STK38L: variants seen among roughly 807,000 people sequenced by gnomAD.
The protein encoded by STK38L is serine/threonine-protein kinase 38-like.
STK38L carries 28 observed loss-of-function variants against 59.7 expected under a neutral mutation model. That is an observed-to-expected ratio of 0.47 (90% CI 0.35 to 0.64). The LOEUF is 0.64. Among genes scored for constraint, STK38L ranks in the 30% least tolerant of loss-of-function variants. STK38L has a pLI of 0.01. For synonymous variants in STK38L, 162 were observed against 176.8 expected (o/e 0.92, Z 0.66); for missense variants, 314 against 555.8 (o/e 0.56, Z 4.37).
rs576404514 is a variant in STK38L, at chr12:27,313,609, C to T, written c.518-895C>T. Among the ~76,000 whole-genome samples, 259 of 152,130 alleles carry T rather than the reference C, an allele frequency of 1.7e-3. 1 individual carries two copies. Among genetic ancestry groups the T allele is most frequent in the African/African-American group, 5.3e-3 (220 of 41,480 alleles). On this transcript the variant is annotated intron_variant, in intron 6 of 13. Coordinates refer to ENST00000389032, the MANE Select transcript of STK38L (RefSeq NM_015000.4). The stretch of plus-strand genomic sequence containing the variant: ...TGTTGGTCAGGCTGGTCTCAAACTC[C>T]TGACCTCAAGTGATCCACCCACCTC...
chr12:27,269,112 T>G (rs1943364356), intron 1 of STK38L, among the ~76,000 whole-genome samples: 2 of 152,220 alleles, frequency 1.3e-5, no homozygotes, highest in African/African-American at 4.8e-5. Context: ...GTGCAGAAGC[T>G]CTTTAGTTGA....
Position 27,269,455 on chromosome 12 carries a change from G to C in STK38L, c.-12+25123G>C, listed in dbSNP as rs532819670. 3.1e-4 allele frequency among the ~76,000 whole-genome samples: 47 copies of C among 152,180 alleles called. No individual in the cohort carries two copies. The South Asian group carries it at 9.1e-3, about 30-fold the overall frequency. ...TAGATACGCGACATTATTTCTGAGG[G>C]CTCTGTTCTGTTCCATTGGTCTATA... is the stretch of plus-strand genomic sequence containing the variant. On this transcript the variant is annotated intron_variant, in intron 1 of 13. Coordinates refer to ENST00000389032, the MANE Select transcript of STK38L (RefSeq NM_015000.4).
chr12:27,250,600 A>G (rs769889588), intron 1 of STK38L, among the ~76,000 whole-genome samples: 24 of 152,134 alleles, frequency 1.6e-4, no homozygotes, highest in Non-Finnish European at 2.9e-4. Flanking sequence ...CCTTATAGCA[A>G]TCTTGTGAGT....
rs970922364 is a variant in STK38L, at chr12:27,308,931, A to T, written c.310-183A>T. On this transcript the variant is annotated intron_variant, in intron 4 of 13. Coordinates refer to ENST00000389032, the MANE Select transcript of STK38L (RefSeq NM_015000.4). This position sits in a 1 kb window ranked among gnomAD's most constrained non-coding sequence, Gnocchi z 4.5. Reference sequence around the variant, plus strand: ...ATAAATATATATTAATATATATAAAATATATATAAATATATATATAACATA... The same window carrying T: ...ATAAATATATATTAATATATATAAATTATATATAAATATATATATAACATA... 1.6e-4 allele frequency among the ~76,000 whole-genome samples: 23 copies of T among 144,972 alleles called. No homozygotes were observed. The highest frequency in any genetic ancestry group is 5.7e-4 in the African/African-American group (23 of 40,378).
chr12:27,276,668 T>A (rs1288207571), intron 1 of STK38L, among the ~76,000 whole-genome samples: 1 of 152,248 alleles, frequency 6.6e-6, no homozygotes, highest in Non-Finnish European at 1.5e-5. Context: ...ATAAGAAACC[T>A]TTAAAATTCC....
At chr12:27,311,406 A>G (rs1944450344) in intron 5 of STK38L, among the ~76,000 whole-genome samples, 2 of 152,354 alleles carry the variant, frequency 1.3e-5, no homozygotes, top group Admixed American at 1.3e-4. Flanking sequence ...TTTTATTATC[A>G]TAGAAAGGTT....
intron 3 of STK38L, among the ~76,000 whole-genome samples, chr12:27,306,800 A>G (rs112915178): frequency 6.7e-5 from 10 of 150,360 alleles, no homozygotes; most frequent in Non-Finnish European, 1.3e-4. Context: ...CTGGAGTGCA[A>G]TGGGATCTCA....
At chr12:27,284,843 A>T (rs773599865) in intron 1 of STK38L, among the ~76,000 whole-genome samples, 3 of 152,158 alleles carry the variant, frequency 2.0e-5, no homozygotes, top group Non-Finnish European at 4.4e-5. Flanking sequence ...TTCCTGCCTC[A>T]AAGTTTTTTG....
At chr12:27,252,995 C>T (rs369906290) in intron 1 of STK38L, among the ~76,000 whole-genome samples, 17 of 152,208 alleles carry the variant, frequency 1.1e-4, no homozygotes, top group African/African-American at 3.4e-4. Context: ...AAAGTGACAA[C>T]GGAGTAACAG....
chr12:27,259,798 A>T (rs181902738), intron 1 of STK38L, among the ~76,000 whole-genome samples: 2 of 152,254 alleles, frequency 1.3e-5, no homozygotes, highest in African/African-American at 4.8e-5. Flanking sequence ...AGTTCAGCTC[A>T]TTGTGGACAT....
rs529830762 is a variant in STK38L at position 27,322,617 on chromosome 12, A to C, written c.*162A>C. 1.0e-6 allele frequency: 1 copy of C among 976,246 alleles called. No individual in the cohort carries two copies. The highest frequency in any genetic ancestry group is 2.9e-5 in the South Asian group (1 of 34,546). The allele number at this position is 976,246 out of a possible 1,614,324, so 60.5% of individuals were successfully genotyped here. On this transcript the variant is annotated 3_prime_UTR_variant, in exon 14 of 14. Coordinates refer to ENST00000389032, the MANE Select transcript of STK38L (RefSeq NM_015000.4). ...TTAGGATTTCTAAGACTACTATAGGAATTGGTTGGCAGTGCCAGCTGGCTC... is the reference window on the plus strand; with the variant it reads ...TTAGGATTTCTAAGACTACTATAGGCATTGGTTGGCAGTGCCAGCTGGCTC...
chr12:27,312,224 T>G (rs1944473088), intron 5 of STK38L, among the ~76,000 whole-genome samples: 1 of 152,136 alleles, frequency 6.6e-6, no homozygotes, highest in African/African-American at 2.4e-5. Flanking sequence ...TGCCCTAAAT[T>G]TATGTGACAA....
At chr12:27,283,628 T>A (rs897523737) in intron 1 of STK38L, among the ~76,000 whole-genome samples, 14 of 152,242 alleles carry the variant, frequency 9.2e-5, no homozygotes, top group African/African-American at 2.4e-4. Context: ...GTGAGGTCAC[T>A]TTCACTTTGC....
chr12:27,314,353 A>G, intron 6 of STK38L, 151 bp from the exon 7 acceptor site: 2 of 520,706 alleles, frequency 3.8e-6, no homozygotes, highest in Middle Eastern at 5.4e-4. Flanking sequence ...GTGAGCCATG[A>G]TCACACCACT....
chr12:27,297,611 C>T (rs1437576857), intron 1 of STK38L, 99 bp from the exon 2 acceptor site: 14 of 1,292,154 alleles, frequency 1.1e-5, no homozygotes, highest in East Asian at 2.5e-5. Context: ...CTGTTAGGGT[C>T]GAATTTTTCT....
chr12:27,279,341 G>A (rs1565534094), intron 1 of STK38L, among the ~76,000 whole-genome samples: 1 of 152,210 alleles, frequency 6.6e-6, no homozygotes, highest in Non-Finnish European at 1.5e-5. Flanking sequence ...AAGGAACAGA[G>A]TCTCAAAATG....
intron 1 of STK38L, 148 bp from the exon 2 acceptor site, chr12:27,297,562 T>C (rs749776793): frequency 9.6e-5 from 77 of 802,578 alleles, no homozygotes; most frequent in Non-Finnish European, 1.4e-4. Flanking sequence ...CTTCCCTAGC[T>C]TTGTATTATT....
At chr12:27,275,582 G>A (rs1027322701) in intron 1 of STK38L, among the ~76,000 whole-genome samples, 6 of 151,794 alleles carry the variant, frequency 4.0e-5, no homozygotes, top group Non-Finnish European at 8.8e-5. Flanking sequence ...CAGGTGATCC[G>A]CTCACCTCGG....
chr12:27,285,378 A>G (rs1943749834), intron 1 of STK38L, among the ~76,000 whole-genome samples: 2 of 152,160 alleles, frequency 1.3e-5, no homozygotes, highest in East Asian at 3.8e-4. Flanking sequence ...ATTTGAGTTT[A>G]TATTTGAAAT....
Sources: allele counts gnomAD v4.1 joint callset (sites outside exome capture counted in the v4.1 genomes callset), GRCh38; gene constraint gnomAD v4.1.1; non-coding constraint Gnocchi (gnomAD v3.1); transcripts MANE v1.5; gene names NCBI Gene and HGNC (gene_info 2026-07-23, HGNC 2026-07-21).